The following ADCY8 variants were observed in gnomAD, a reference collection of about 807,000 sequenced individuals.
ADCY8 encodes adenylate cyclase 8.
In ADCY8, 51 loss-of-function variants were observed where a neutral mutation model predicts 119.7. The observed-to-expected ratio is 0.43, with a 90% CI of 0.34 to 0.54. The LOEUF (loss-of-function observed/expected upper bound fraction) is 0.54, where lower values mean the gene tolerates loss of function less well. ADCY8 is among the 20% of genes least tolerant of loss of function. The pLI is 0.03. For synonymous variants in ADCY8, 665 were observed against 651.0 expected, an observed-to-expected ratio of 1.02 and a Z score of -0.33; for missense variants, 1,383 against 1,598.8, an observed-to-expected ratio of 0.87 and a Z score of 2.30.
chr8:130,968,549 G>A (rs1191375511), intron 2 of ADCY8, among the ~76,000 whole-genome samples: 1 of 152,160 alleles, frequency 6.6e-6, no homozygotes, highest in African/African-American at 2.4e-5. Flanking sequence ...TTGCTCCCAG[G>A]TGACTGCTTG....
intron 4 of ADCY8, among the ~76,000 whole-genome samples, chr8:130,943,100 G>T (rs1199370783): frequency 6.6e-6 from 1 of 152,200 alleles, no homozygotes; most frequent in Non-Finnish European, 1.5e-5. Flanking sequence ...CAGATAAAAA[G>T]GACTGGGGTT....
Position 130,987,668 on chromosome 8 carries a change from C to T in ADCY8, c.1110+2725G>A, listed in dbSNP as rs58801708. Among the ~76,000 whole-genome samples the T allele has an allele frequency of 1.3e-3, 191 of 152,204 alleles. 1 individual carries two copies. Among genetic ancestry groups the T allele is most frequent in the East Asian group, 5.2e-3 (27 of 5,168 alleles). On this transcript the variant is annotated intron_variant, in intron 2 of 17. Transcript: ENST00000286355. The stretch of plus-strand genomic sequence containing the variant: ...GCTGTCGCTTAGGTTCTTACAGCAT[C>T]TCCTTCACAGGGTATAGAATTTTTA...
intron 9 of ADCY8, among the ~76,000 whole-genome samples, chr8:130,867,120 T>C (rs1242051569): frequency 6.6e-6 from 1 of 152,174 alleles, no homozygotes; most frequent in Non-Finnish European, 1.5e-5. Context: ...AGGCAGGAGC[T>C]AGCTTATAGT....
chr8:130,840,067 A>G lies in ADCY8; in HGVS notation c.2503-3618T>C, dbSNP rs1310190474. 1.4e-5 allele frequency among the ~76,000 whole-genome samples: 2 copies of G among 139,894 alleles called. 1 individual carries two copies. Among genetic ancestry groups the G allele is most frequent in the Admixed American group, 1.5e-4 (2 of 13,656 alleles). The allele number at this position is 139,894 out of a possible 152,430, so 91.8% of individuals were successfully genotyped here. On this transcript the variant is annotated intron_variant, in intron 11 of 17. Coordinates refer to ENST00000286355, the MANE Select transcript of ADCY8 (RefSeq NM_001115.3). ...TATGGGGAGGTAAGAAAGAGAGAGG[A>G]GTCAGAGGTAGCACTAATATTTCCA...
At position 130,859,151 on chromosome 8, in the gene ADCY8, C is replaced by T. The variant is rs1343713399; in HGVS notation, c.2210+8695G>A. Among the ~76,000 whole-genome samples the T allele has an allele frequency of 2.6e-5, 4 of 152,232 alleles. 1 individual carries two copies. In the East Asian group the frequency reaches 7.7e-4, roughly 29 times the overall value. ...ATTGCTTCCAGGCCCTCTCCACTGA[C>T]AGAGGAAGGAAATGTATGTATACAT... On this transcript the variant is annotated intron_variant, in intron 9 of 17. Transcript: ENST00000286355.
chr8:130,805,431 G>A (rs1352840850), intron 14 of ADCY8, among the ~76,000 whole-genome samples: 1 of 152,226 alleles, frequency 6.6e-6, no homozygotes, highest in Non-Finnish European at 1.5e-5. Flanking sequence ...ACTGGTTTAG[G>A]TTTGTCCATC....
At chr8:130,902,071 A>G in intron 7 of ADCY8, among the ~76,000 whole-genome samples, 1 of 152,180 alleles carries the variant, frequency 6.6e-6, no homozygotes, top group Non-Finnish European at 1.5e-5. Flanking sequence ...TGTACAATAC[A>G]GATTAGAACA....
intron 1 of ADCY8, among the ~76,000 whole-genome samples, chr8:131,011,353 A>G (rs1429593839): frequency 6.6e-6 from 1 of 152,150 alleles, no homozygotes; most frequent in African/African-American, 2.4e-5. Context: ...CAGAGTGAAT[A>G]CCGATTCAAT....
At chr8:131,020,902 C>T (rs1341767463) in intron 1 of ADCY8, among the ~76,000 whole-genome samples, 1 of 152,110 alleles carries the variant, frequency 6.6e-6, no homozygotes, top group African/African-American at 2.4e-5. Context: ...TTATTATGTG[C>T]TATAAATTAT....
intron 3 of ADCY8, 72 bp downstream of exon 3, chr8:130,951,796 G>T (rs1389719058): frequency 6.3e-7 from 1 of 1,575,854 alleles, no homozygotes; most frequent in African/African-American, 1.3e-5. Flanking sequence ...CGGAAGTCAC[G>T]GAAGTGCAAT....
chr8:130,888,681 A>C (rs1444673886), intron 7 of ADCY8, among the ~76,000 whole-genome samples: 1 of 152,104 alleles, frequency 6.6e-6, no homozygotes, highest in Non-Finnish European at 1.5e-5. Flanking sequence ...GTTCTGGTGA[A>C]AATTATAATG....
At chr8:130,821,317 C>A in intron 13 of ADCY8, 25 bp downstream of exon 13, 2 of 1,598,366 alleles carry the variant, frequency 1.3e-6, no homozygotes, top group Admixed American at 1.7e-5. Flanking sequence ...GGTAACAGAG[C>A]AGTCAGAGCG....
At chr8:130,916,983 A>C (rs915053125) in intron 5 of ADCY8, among the ~76,000 whole-genome samples, 9 of 152,126 alleles carry the variant, frequency 5.9e-5, no homozygotes, top group African/African-American at 2.2e-4. Context: ...TGGTCTTGGC[A>C]CCATGCTTAC....
chr8:130,800,233 T>A (rs950322946), intron 15 of ADCY8, among the ~76,000 whole-genome samples, 193 bp downstream of exon 15: 1 of 151,338 alleles, frequency 6.6e-6, no homozygotes, highest in Non-Finnish European at 1.5e-5. Context: ...ATCCCCCAAA[T>A]AGGGAAATAA....
At chr8:130,812,630 C>A (rs1477017653) in intron 14 of ADCY8, among the ~76,000 whole-genome samples, 2 of 152,214 alleles carry the variant, frequency 1.3e-5, no homozygotes, top group African/African-American at 4.8e-5. Context: ...GATTCTCCCC[C>A]AGACCCTATG....
intron 1 of ADCY8, among the ~76,000 whole-genome samples, chr8:131,033,157 T>C (rs536623606): frequency 6.6e-6 from 1 of 152,302 alleles, no homozygotes; most frequent in East Asian, 1.9e-4. Context: ...TTAAGATGAA[T>C]GTTGCAAGTG....
At chr8:130,983,387 A>C (rs1239778766) in intron 2 of ADCY8, among the ~76,000 whole-genome samples, 1 of 152,166 alleles carries the variant, frequency 6.6e-6, no homozygotes, top group East Asian at 1.9e-4. Flanking sequence ...CCATTGGCCG[A>C]ACCCAACAAG....
intron 8 of ADCY8, among the ~76,000 whole-genome samples, chr8:130,883,061 A>G (rs904682079): frequency 6.6e-6 from 1 of 152,216 alleles, no homozygotes; most frequent in African/African-American, 2.4e-5. Context: ...GGTCACAGAA[A>G]TCAACCTCAG....
At chr8:130,956,950 T>G (rs1457405156) in intron 2 of ADCY8, among the ~76,000 whole-genome samples, 1 of 152,206 alleles carries the variant, frequency 6.6e-6, no homozygotes, top group Admixed American at 6.5e-5. Flanking sequence ...CCTGTATAAA[T>G]TACCCAGTCT....
Sources: gnomAD v4.1 joint callset for allele counts (sites outside exome capture counted in the v4.1 genomes callset) on GRCh38, gnomAD v4.1.1 for gene constraint, MANE v1.5 for transcripts, NCBI Gene and HGNC (gene_info 2026-07-23, HGNC 2026-07-21) for gene names.